RAD54B: variants seen among roughly 807,000 people sequenced by gnomAD.
RAD54B encodes the protein RAD54 homolog B.
In RAD54B, 78 loss-of-function variants were observed where a neutral mutation model predicts 95.8. The observed-to-expected ratio is 0.81, with a 90% CI of 0.68 to 0.98. The LOEUF (loss-of-function observed/expected upper bound fraction) is 0.98, where lower values mean the gene tolerates loss of function less well. Ranked by LOEUF, RAD54B falls within the 50% of genes least tolerant of loss-of-function variation. The pLI, the probability that RAD54B is intolerant of heterozygous loss-of-function variation, is 0.00. For missense variants in RAD54B, 957 were observed against 1,056.6 expected, an observed-to-expected ratio of 0.91 and a Z score of 1.31; for synonymous variants, 328 against 354.9, an observed-to-expected ratio of 0.92 and a Z score of 0.85.
intron 3 of RAD54B, chr8:94,428,700 C>A: frequency 3.3e-6 from 3 of 922,420 alleles, no homozygotes; most frequent in Non-Finnish European, 3.9e-6. Flanking sequence ...GTTCAATCTG[C>A]AGATGTGAAA....
At chr8:94,422,225 C>T (rs1811821080) in intron 3 of RAD54B, among the ~76,000 whole-genome samples, 1 of 152,054 alleles carries the variant, frequency 6.6e-6, no homozygotes, top group South Asian at 2.1e-4. Flanking sequence ...GAACAAGATA[C>T]TTTTCAAAAA....
At chr8:94,471,345 C>G (rs537813184) in intron 1 of RAD54B, among the ~76,000 whole-genome samples, 1 of 151,288 alleles carries the variant, frequency 6.6e-6, no homozygotes, top group South Asian at 2.1e-4. Flanking sequence ...AAAATGGCCA[C>G]AAAACATGTC....
At chr8:94,408,726 C>G (rs185710243) in intron 4 of RAD54B, among the ~76,000 whole-genome samples, 26 of 152,220 alleles carry the variant, frequency 1.7e-4, no homozygotes, top group African/African-American at 6.0e-4. Context: ...ACCCATCACT[C>G]CATCCCAAAT....
At chr8:94,431,416 T>C in intron 3 of RAD54B, 1 of 983,464 alleles carries the variant, frequency 1.0e-6, no homozygotes, top group African/African-American at 1.7e-5. Flanking sequence ...TAACAATCTT[T>C]AAAGGCAATT....
chr8:94,429,076 T>TG, intron 3 of RAD54B: 1 of 985,326 alleles, frequency 1.0e-6, no homozygotes, highest in South Asian at 4.7e-5. Context: ...AAGACTGACT[T>TG]GGAGAAAAAC....
At chr8:94,419,248 G>A (rs187784627) in intron 3 of RAD54B, among the ~76,000 whole-genome samples, 19 of 152,222 alleles carry the variant, frequency 1.2e-4, no homozygotes, top group Non-Finnish European at 2.5e-4. Context: ...GGTGGCTCAC[G>A]CCTGTAATCC....
intron 2 of RAD54B, among the ~76,000 whole-genome samples, chr8:94,461,930 C>T (rs2930959): frequency 0.55 from 83,234 of 152,030 alleles, 24,450 homozygotes; most frequent in East Asian, 0.79. Context: ...ATCGCAATAA[C>T]GTCTGTTATA....
intron 8 of RAD54B, among the ~76,000 whole-genome samples, chr8:94,397,160 T>C (rs1198384602): frequency 1.3e-5 from 2 of 152,142 alleles, no homozygotes; most frequent in African/African-American, 2.4e-5. Context: ...CTAGATAATA[T>C]GAGGAAACAA....
At chr8:94,451,420 A>C (rs1165581321) in intron 3 of RAD54B, among the ~76,000 whole-genome samples, 1 of 152,234 alleles carries the variant, frequency 6.6e-6, no homozygotes, top group Non-Finnish European at 1.5e-5. Flanking sequence ...TCTTCCTTGC[A>C]ACAGAATGCC....
intron 2 of RAD54B, among the ~76,000 whole-genome samples, chr8:94,463,893 C>CAAAAAAAAAAAAAAAAAA (rs553168595): frequency 3.3e-5 from 3 of 90,968 alleles, no homozygotes; most frequent in African/African-American, 8.4e-5. Context: ...GACCCTATCT[C>CAAAAAAAAAAAAAAAAAA]AAAAAAAAAA....
intron 3 of RAD54B, among the ~76,000 whole-genome samples, chr8:94,455,952 C>G (rs1343208102): frequency 6.6e-6 from 1 of 152,086 alleles, no homozygotes; most frequent in Non-Finnish European, 1.5e-5. Context: ...TCATAGGTAC[C>G]AAGGCTTAGG....
intron 3 of RAD54B, among the ~76,000 whole-genome samples, chr8:94,418,672 T>C (rs1811730736): frequency 6.6e-6 from 1 of 152,190 alleles, no homozygotes; most frequent in Non-Finnish European, 1.5e-5. Flanking sequence ...TCCATGAATA[T>C]TGTTTTCTTT....
chr8:94,401,891 G>C (rs1450711120), intron 6 of RAD54B, among the ~76,000 whole-genome samples: 1 of 152,140 alleles, frequency 6.6e-6, no homozygotes, highest in Non-Finnish European at 1.5e-5. Context: ...TAAAGAGAAG[G>C]GAGCAAACAG....
chr8:94,390,492 C>T (rs1476187916), intron 10 of RAD54B, among the ~76,000 whole-genome samples: 9 of 149,982 alleles, frequency 6.0e-5, no homozygotes, highest in Non-Finnish European at 1.2e-4. Flanking sequence ...AAGAACAAGA[C>T]TTCATCTCAA....
At chr8:94,377,333 C>T (rs1810606003) in intron 14 of RAD54B, among the ~76,000 whole-genome samples, 1 of 150,080 alleles carries the variant, frequency 6.7e-6, no homozygotes, top group Non-Finnish European at 1.5e-5. Flanking sequence ...CCCAGGAGTT[C>T]GAGACCAGTG....
intron 3 of RAD54B, among the ~76,000 whole-genome samples, chr8:94,413,277 G>C (rs971453620): frequency 2.0e-5 from 3 of 152,190 alleles, no homozygotes; most frequent in African/African-American, 4.8e-5. Context: ...AAAGAACAAA[G>C]TTGGATGTTT....
intron 14 of RAD54B, 133 bp from the exon 15 acceptor site, chr8:94,372,520 T>C: frequency 2.1e-6 from 3 of 1,423,268 alleles, no homozygotes; most frequent in East Asian, 5.0e-5. Context: ...TTAAAACAAA[T>C]TCATTCTTTT....
chr8:94,474,992 A>T lies in RAD54B; in HGVS notation c.-17+9T>A, dbSNP rs1356550115. 1.3e-5 allele frequency: 2 copies of T among 152,452 alleles called. No homozygotes were observed. Among genetic ancestry groups the T allele is most frequent in the African/African-American group, 2.4e-5 (1 of 41,472 alleles). The allele number at this position is 152,452 out of a possible 1,614,324, so 9.4% of individuals were successfully genotyped here. On this transcript the variant is annotated intron_variant, in intron 1 of 14. Coordinates refer to ENST00000336148, the MANE Select transcript of RAD54B (RefSeq NM_012415.3). Reference sequence around the variant, plus strand: ...CGCAGCCTCCCGAGCTTCCCCCTGCAGGACGCACCGGCGAAAATCTGACAG... The same window carrying T: ...CGCAGCCTCCCGAGCTTCCCCCTGCTGGACGCACCGGCGAAAATCTGACAG...
Position 94,399,595 on chromosome 8 carries a change from C to T in RAD54B, c.1197G>A (p.Lys399=), listed in dbSNP as rs1028788517. The T allele has an allele frequency of 4.3e-6, 7 of 1,610,110 alleles. No individual in the cohort carries two copies. In the African/African-American group the frequency reaches 8.0e-5, roughly 18 times the overall value. Reference sequence around the variant, plus strand: ...TAATAAGAACAGAATAAAATATAGACTTGATGAATTCTTCAACTTTGTGGT... The same window carrying T: ...TAATAAGAACAGAATAAAATATAGATTTGATGAATTCTTCAACTTTGTGGT... The part of the protein sequence containing the change: ...DQDHKVEEFI[K]SIFYSVLIIS... Residue 399 remains lysine (K), a synonymous_variant, in exon 8 of 15, where the codon AAG becomes AAA. Transcript: ENST00000336148.
Sources: gnomAD v4.1 joint callset for allele counts (sites outside exome capture counted in the v4.1 genomes callset) on GRCh38, gnomAD v4.1.1 for gene constraint, MANE v1.5 for transcripts, NCBI Gene and HGNC (gene_info 2026-07-23, HGNC 2026-07-21) for gene names.